The following PRORP variants were observed in gnomAD, a reference collection of about 807,000 sequenced individuals.
PRORP encodes protein only RNase P catalytic subunit, also known as mitochondrial ribonuclease P catalytic subunit.
In PRORP, 51 loss-of-function variants were observed where a neutral mutation model predicts 59.4. That is an observed-to-expected ratio of 0.86 (90% confidence interval 0.69 to 1.08). The LOEUF (loss-of-function observed/expected upper bound fraction) is 1.08. Among genes scored for constraint, PRORP ranks in the 50% least tolerant of loss-of-function variants. The probability of loss-of-function intolerance (pLI) is 0.00; values close to 1 mark genes in which losing one functional copy is unlikely to be tolerated. For missense variants in PRORP, 646 were observed against 690.3 expected (o/e 0.94, Z 0.72); for synonymous variants, 231 against 245.6 (o/e 0.94, Z 0.55).
intron 5 of PRORP, chr14:35,235,246 A>ACC (rs2050180172): frequency 1.4e-6 from 1 of 725,116 alleles, no homozygotes. Context: ...CAGACTTGGG[A>ACC]CCCAGGACAT....
At chr14:35,132,483 A>T (rs1240150954) in intron 4 of PRORP, among the ~76,000 whole-genome samples, 1 of 149,958 alleles carries the variant, frequency 6.7e-6, no homozygotes, top group Non-Finnish European at 1.5e-5. Context: ...CAAGAAAAAA[A>T]AGAAAGTTGG....
chr14:35,269,740 C>A (rs926489277), intron 6 of PRORP, among the ~76,000 whole-genome samples: 3 of 152,058 alleles, frequency 2.0e-5, no homozygotes, highest in African/African-American at 7.2e-5. Context: ...TATTTAGGGT[C>A]ATTTGAATCA....
intron 5 of PRORP, among the ~76,000 whole-genome samples, chr14:35,184,087 C>T (rs1212524254): frequency 1.3e-5 from 2 of 151,924 alleles, no homozygotes; most frequent in Admixed American, 6.6e-5. Flanking sequence ...CTGCATTATA[C>T]ATTACACATT....
At chr14:35,142,565 G>A (rs1172364289) in intron 4 of PRORP, among the ~76,000 whole-genome samples, 1 of 143,478 alleles carries the variant, frequency 7.0e-6, no homozygotes, top group Non-Finnish European at 1.5e-5. Flanking sequence ...GATGGCATTG[G>A]GCTTGGTGGC....
intron 5 of PRORP, among the ~76,000 whole-genome samples, chr14:35,216,067 G>A (rs1043962422): frequency 3.4e-5 from 3 of 87,294 alleles, no homozygotes; most frequent in Admixed American, 1.4e-4. Flanking sequence ...GCACCCAACC[G>A]TAAGACTCTA....
chr14:35,233,093 T>TAG, intron 5 of PRORP, among the ~76,000 whole-genome samples: 1 of 137,108 alleles, frequency 7.3e-6, no homozygotes, highest in Admixed American at 8.9e-5. Context: ...CAAACTTCAG[T>TAG]TTCCCCTTTT....
chr14:35,237,084 TTC>T (rs34987600), intron 5 of PRORP, among the ~76,000 whole-genome samples: 4 of 138,050 alleles, frequency 2.9e-5, no homozygotes, highest in Admixed American at 7.4e-5. Context: ...CCTTCCTTCC[TTC>T]TCTCTCTCTC....
At chr14:35,194,951 A>T (rs1405047652) in intron 5 of PRORP, among the ~76,000 whole-genome samples, 2 of 150,732 alleles carry the variant, frequency 1.3e-5, no homozygotes, top group African/African-American at 4.9e-5. Context: ...GAAGGCAAGA[A>T]AATCATAATG....
chr14:35,266,711 G>A lies in PRORP; in HGVS notation c.1276-16G>A, dbSNP rs181760228. 7 of 1,612,522 alleles carry A rather than the reference G, an allele frequency of 4.3e-6. No homozygotes were observed. Among genetic ancestry groups the A allele is most frequent in the Non-Finnish European group, 8.5e-7 (1 of 1,179,362 alleles). ...CTTCCCTTGAACTTTTGTGGTTCTG[G>A]CTTTGTGTTTTTTAGCTCTTGAATG... On this transcript the variant is annotated splice_polypyrimidine_tract_variant and intron_variant, in intron 5 of 7. Coordinates refer to ENST00000534898, the MANE Select transcript of PRORP (RefSeq NM_014672.4).
chr14:35,131,378 T>C (rs1173634478), intron 4 of PRORP, among the ~76,000 whole-genome samples: 1 of 152,260 alleles, frequency 6.6e-6, no homozygotes, highest in African/African-American at 2.4e-5. Flanking sequence ...TTTCACTGCA[T>C]ATACTATTCT....
At chr14:35,160,068 G>A (rs754224322) in intron 4 of PRORP, among the ~76,000 whole-genome samples, 2 of 152,182 alleles carry the variant, frequency 1.3e-5, no homozygotes, top group African/African-American at 2.4e-5. Context: ...CCTTAATCTC[G>A]TTGATTACTG....
chr14:35,274,551 G>C lies in PRORP; in HGVS notation c.*985G>C, dbSNP rs1378185271. On this transcript the variant is annotated 3_prime_UTR_variant, in exon 8 of 8. Coordinates refer to ENST00000534898, the MANE Select transcript of PRORP (RefSeq NM_014672.4). ...TAGTCCCAGCTACTTTGGGGGCTGAGGTAGGAGGATTGCTTGAGCCTCAGA... is the reference window on the plus strand; with the variant it reads ...TAGTCCCAGCTACTTTGGGGGCTGACGTAGGAGGATTGCTTGAGCCTCAGA... 1 of 152,176 alleles carries C rather than the reference G, an allele frequency of 6.6e-6. No homozygotes were observed. The highest frequency in any genetic ancestry group is 1.5e-5 in the Non-Finnish European group (1 of 68,084). 9.4% of individuals were successfully genotyped at this position (152,176 alleles called of 1,614,324 possible).
In PRORP at chr14:35,273,552, C is replaced by A; in HGVS notation, c.1738C>A (p.His580Asn). ...AGTACCAACCAAATGGCTTTGCCTC[C>A]ACCAAAAGACATAGAGATTCTTACC... Reference protein sequence around the residue: ...CEVPTKWLCLHQKT With the variant: ...CEVPTKWLCLNQKT Residue 580 changes from histidine to asparagine, a missense_variant, in exon 8 of 8, where the codon CAC (histidine) becomes AAC (asparagine). Transcript: ENST00000534898. 1 of 1,612,836 alleles carries A rather than the reference C, an allele frequency of 6.2e-7. No individual in the cohort carries two copies. The highest frequency in any genetic ancestry group is 8.5e-7 in the Non-Finnish European group (1 of 1,179,456).
chr14:35,263,790 A>G (rs1269898824), intron 5 of PRORP, among the ~76,000 whole-genome samples: 1 of 152,238 alleles, frequency 6.6e-6, no homozygotes, highest in Non-Finnish European at 1.5e-5. Flanking sequence ...TTACACATAG[A>G]GAGGTCTAGG....
In PRORP at chr14:35,273,665, G is replaced by A. The variant is rs1594367639; in HGVS notation, c.*99G>A. ...TTGTTTAGGGCATTGCCTCTGTCCTGAAGATAAAAGGATTCTATTAACAGC... is the reference window on the plus strand; with the variant it reads ...TTGTTTAGGGCATTGCCTCTGTCCTAAAGATAAAAGGATTCTATTAACAGC... On this transcript the variant is annotated 3_prime_UTR_variant, in exon 8 of 8. Coordinates refer to ENST00000534898, the MANE Select transcript of PRORP (RefSeq NM_014672.4). 1 of 1,048,808 alleles carries A rather than the reference G, an allele frequency of 9.5e-7. No homozygotes were observed. Among genetic ancestry groups the A allele is most frequent in the Non-Finnish European group, 1.3e-6 (1 of 746,180 alleles). 65.0% of individuals were successfully genotyped at this position (1,048,808 alleles called of 1,614,324 possible). A position where few individuals can be genotyped will look rare whatever the true frequency, so the allele number is the denominator to read the frequency against.
chr14:35,193,041 CT>C (rs1392997440), intron 5 of PRORP, among the ~76,000 whole-genome samples: 1 of 151,396 alleles, frequency 6.6e-6, no homozygotes, highest in African/African-American at 2.4e-5. Flanking sequence ...CATTTTCTCT[CT>C]CATTCTCTCT....
At chr14:35,241,328 A>G (rs1289012371) in intron 5 of PRORP, among the ~76,000 whole-genome samples, 4 of 152,048 alleles carry the variant, frequency 2.6e-5, no homozygotes, top group Non-Finnish European at 4.4e-5. Context: ...CAGTGAGCTG[A>G]GACCATGCCA....
intron 7 of PRORP, 95 bp downstream of exon 7, chr14:35,270,691 C>G: frequency 8.8e-7 from 1 of 1,132,386 alleles, no homozygotes; most frequent in Non-Finnish European, 1.3e-6. Context: ...TTGAAGGTTG[C>G]AAATGCTTTA....
intron 5 of PRORP, among the ~76,000 whole-genome samples, chr14:35,251,843 C>T (rs955642351): frequency 4.6e-5 from 7 of 152,052 alleles, no homozygotes; most frequent in South Asian, 2.1e-4. Flanking sequence ...CATGAGCCAC[C>T]GCGCCTGGCT....
Sources: gnomAD v4.1 joint callset for allele counts (sites outside exome capture counted in the v4.1 genomes callset) on GRCh38, gnomAD v4.1.1 for gene constraint, MANE v1.5 for transcripts, NCBI Gene and HGNC (gene_info 2026-07-23, HGNC 2026-07-21) for gene names.